MED4: variants seen among roughly 807,000 people sequenced by gnomAD.
The protein encoded by MED4 is mediator complex subunit 4.
A neutral mutation model predicts 35.0 loss-of-function variants in MED4; 21 were observed. That is an observed-to-expected ratio of 0.60 (90% CI 0.43 to 0.86). The LOEUF (loss-of-function observed/expected upper bound fraction) is 0.86. Among genes scored for constraint, MED4 ranks in the 40% least tolerant of loss-of-function variants. The pLI, the probability that MED4 is intolerant of heterozygous loss-of-function variation, is 0.00. For synonymous variants in MED4, 138 were observed against 114.0 expected (o/e 1.21, Z -1.34); for missense variants, 300 against 319.4 (o/e 0.94, Z 0.46).
rs1950883166 is a variant in MED4 at position 48,090,536 on chromosome 13, C to T, written c.126-118G>A. ...ACAGCTCACCAAGACTCGCTTGTGC[C>T]GGTTACCAAACTTATTTATAAAAGT... On this transcript the variant is annotated intron_variant, in intron 1 of 6. Coordinates refer to ENST00000258648, the MANE Select transcript of MED4 (RefSeq NM_014166.4). The T allele has an allele frequency of 7.4e-6, 5 of 676,984 alleles. No individual in the cohort carries two copies. The East Asian group carries it at 8.7e-5, about 12-fold the overall frequency. 41.9% of individuals were successfully genotyped at this position (676,984 alleles called of 1,614,324 possible).
chr13:48,089,395 A>G (rs573232350), intron 2 of MED4, among the ~76,000 whole-genome samples: 2 of 152,272 alleles, frequency 1.3e-5, no homozygotes, highest in African/African-American at 4.8e-5. Flanking sequence ...TCTCCTTTAC[A>G]TCATCTTTAG....
intron 2 of MED4, among the ~76,000 whole-genome samples, chr13:48,089,601 A>T (rs1191630636): frequency 1.3e-5 from 2 of 152,132 alleles, no homozygotes; most frequent in Non-Finnish European, 2.9e-5. Flanking sequence ...ATTTCTTTTA[A>T]ATTAGCAAGG....
chr13:48,079,971 G>A lies in MED4; in HGVS notation c.513C>T (p.Asp171=). The A allele has an allele frequency of 1.9e-6, 3 of 1,612,318 alleles. No homozygotes were observed. The highest frequency in any genetic ancestry group is 1.7e-6 in the Non-Finnish European group (2 of 1,179,116). ...AATCAGTTGGGTAGGGTCTCCGGGGGTCCCCTAAAACAATAAAGACTGCAT... is the reference window on the plus strand; with the variant it reads ...AATCAGTTGGGTAGGGTCTCCGGGGATCCCCTAAAACAATAAAGACTGCAT... The part of the protein sequence containing the change: ...VCAPLTWVPG[D]PRRPYPTDLE... The change falls in exon 6 of 7, where the codon GAC becomes GAT. Residue 171 remains aspartate (D), a synonymous_variant. Coordinates refer to ENST00000258648, the MANE Select transcript of MED4 (RefSeq NM_014166.4).
At chr13:48,085,946 C>CA (rs149104670) in intron 3 of MED4, among the ~76,000 whole-genome samples, 4,930 of 121,278 alleles carry the variant, frequency 0.041, 128 homozygotes, top group Non-Finnish European at 0.048. Flanking sequence ...GATCAGAGAC[C>CA]AAAAAAAAAA....
At chr13:48,089,002 T>C (rs1453220812) in intron 2 of MED4, among the ~76,000 whole-genome samples, 1 of 152,222 alleles carries the variant, frequency 6.6e-6, no homozygotes, top group African/African-American at 2.4e-5. Context: ...TATCACCTTC[T>C]GAATAATCTG....
At chr13:48,077,365 T>C (rs1297594211) in intron 6 of MED4, 54 bp from the exon 7 acceptor site, 14 of 1,314,010 alleles carry the variant, frequency 1.1e-5, no homozygotes, top group African/African-American at 1.5e-5. Context: ...ATTAATCTAG[T>C]TCTTACTTTT....
At position 48,075,910 on chromosome 13, in the gene MED4, A is replaced by G. The variant is rs1181562132; in HGVS notation, c.*1229T>C. Reference sequence around the variant, plus strand: ...GGTGAAAATATAAGATTAATCTCCTATTTTCCAATTTTTCTAGAGATCGAA... The same window carrying G: ...GGTGAAAATATAAGATTAATCTCCTGTTTTCCAATTTTTCTAGAGATCGAA... On this transcript the variant is annotated 3_prime_UTR_variant, in exon 7 of 7. Coordinates refer to ENST00000258648, the MANE Select transcript of MED4 (RefSeq NM_014166.4). The G allele has an allele frequency of 6.6e-6, 1 of 152,168 alleles. No homozygotes were observed. The highest frequency in any genetic ancestry group is 1.5e-5 in the Non-Finnish European group (1 of 68,024). The allele number at this position is 152,168 out of a possible 1,614,324, so 9.4% of individuals were successfully genotyped here.
At chr13:48,080,040 T>G (rs1950793446) in intron 5 of MED4, 65 bp from the exon 6 acceptor site, 1 of 1,547,550 alleles carries the variant, frequency 6.5e-7, no homozygotes, top group South Asian at 1.2e-5. Flanking sequence ...ATATGTTATT[T>G]GACATACTCA....
At chr13:48,094,851 C>A (rs568641761) in intron 1 of MED4, 103 bp downstream of exon 1, 297 of 1,514,740 alleles carry the variant, frequency 2.0e-4, no homozygotes, top group African/African-American at 1.7e-3. Flanking sequence ...CGAGCTGGCC[C>A]TCCCCGCCGA....
intron 4 of MED4, among the ~76,000 whole-genome samples, chr13:48,082,490 G>C (rs1478148849): frequency 2.6e-5 from 4 of 152,192 alleles, no homozygotes; most frequent in Middle Eastern, 3.2e-3. Context: ...CTCTCCTAGA[G>C]ATTTGTTTCT....
intron 4 of MED4, 43 bp downstream of exon 4, chr13:48,083,328 A>G: frequency 6.6e-7 from 1 of 1,510,288 alleles, no homozygotes; most frequent in Non-Finnish European, 9.1e-7. Flanking sequence ...CTGAAACCAG[A>G]ACCTTAACTT....
Position 48,086,326 on chromosome 13 carries a change from T to C in MED4, c.319A>G (p.Ile107Val). ...TTTAGCTGTTTTTGTAGCTGCTGAA[T>C]ATCACTGTCTCTCTTCTCTACTTCT... is the stretch of plus-strand genomic sequence containing the variant. ...EKEVEKRDSD[I>V]QQLQKQLKEA... Residue 107 changes from isoleucine to valine, a missense_variant, in exon 3 of 7, where the codon ATT becomes GTT. Transcript: ENST00000258648. The C allele has an allele frequency of 6.2e-7, 1 of 1,613,950 alleles. No individual in the cohort carries two copies. Among genetic ancestry groups the C allele is most frequent in the Non-Finnish European group, 8.5e-7 (1 of 1,179,932 alleles).
chr13:48,076,734 T>A lies in MED4; in HGVS notation c.*405A>T, dbSNP rs1950761576. Reference sequence around the variant, plus strand: ...CACACAAAAAGAAATATGATGCCTATTCAGTCATCCACTGCCAGTTTAAAA... The same window carrying A: ...CACACAAAAAGAAATATGATGCCTAATCAGTCATCCACTGCCAGTTTAAAA... On this transcript the variant is annotated 3_prime_UTR_variant, in exon 7 of 7. Coordinates refer to ENST00000258648, the MANE Select transcript of MED4 (RefSeq NM_014166.4). 1 of 154,006 alleles carries A rather than the reference T, an allele frequency of 6.5e-6. No individual in the cohort carries two copies. Among genetic ancestry groups the A allele is most frequent in the African/African-American group, 2.4e-5 (1 of 41,540 alleles). The allele number at this position is 154,006 out of a possible 1,614,324, so 9.5% of individuals were successfully genotyped here.
chr13:48,079,967 G>A lies in MED4; in HGVS notation c.517C>T (p.Arg173Trp), dbSNP rs1355953749. Residue 173 changes from arginine (R) to tryptophan (W), a missense_variant, in exon 6 of 7, where the codon CGG becomes TGG. Transcript: ENST00000258648. Reference protein sequence around the residue: ...APLTWVPGDPRRPYPTDLEMR... With the variant: ...APLTWVPGDPWRPYPTDLEMR... ...TCTAAATCAGTTGGGTAGGGTCTCC[G>A]GGGGTCCCCTAAAACAATAAAGACT... The A allele has an allele frequency of 1.2e-6, 2 of 1,612,726 alleles. No homozygotes were observed. The highest frequency in any genetic ancestry group is 1.7e-6 in the Non-Finnish European group (2 of 1,179,222).
At chr13:48,090,095 T>G (rs1472805852) in intron 2 of MED4, among the ~76,000 whole-genome samples, 1 of 152,174 alleles carries the variant, frequency 6.6e-6, no homozygotes, top group Admixed American at 6.5e-5. Flanking sequence ...AACATGTAAG[T>G]GTGACTAGAA....
chr13:48,095,062 C>T lies in MED4; in HGVS notation c.17G>A (p.Ser6Asn). Residue 6 changes from serine (S) to asparagine (N), a missense_variant, in exon 1 of 7, where the codon AGT becomes AAT. By Grantham distance (46) the Ser-to-Asn change is conservative. Coordinates refer to ENST00000258648, the MANE Select transcript of MED4 (RefSeq NM_014166.4). ...CAGCCGCTCCTTCTCCTTCTCACCA[C>T]TCGAAGACGCAGCCATTTTCCCCAG... is the stretch of plus-strand genomic sequence containing the variant. Reference protein sequence around the residue: MAASSSGEKEKERLGG... With the variant: MAASSNGEKEKERLGG... 4 of 1,604,718 alleles carry T rather than the reference C, an allele frequency of 2.5e-6. No individual in the cohort carries two copies. The highest frequency in any genetic ancestry group is 4.5e-5 in the East Asian group (2 of 44,878).
At chr13:48,084,554 C>T (rs1452911001) in intron 3 of MED4, among the ~76,000 whole-genome samples, 2 of 152,008 alleles carry the variant, frequency 1.3e-5, no homozygotes, top group Non-Finnish European at 2.9e-5. Flanking sequence ...ATTTATAACA[C>T]AAAGTGGGAA....
chr13:48,085,654 A>G (rs886840665), intron 3 of MED4, among the ~76,000 whole-genome samples: 1 of 152,218 alleles, frequency 6.6e-6, no homozygotes, highest in Non-Finnish European at 1.5e-5. Context: ...TCTGGTCGAC[A>G]TGAGAATCAA....
chr13:48,085,602 C>A (rs1391296700), intron 3 of MED4, among the ~76,000 whole-genome samples: 1 of 152,186 alleles, frequency 6.6e-6, no homozygotes, highest in Non-Finnish European at 1.5e-5. Flanking sequence ...CATTTTAATA[C>A]ATTTGTTAAG....
Sources: gnomAD v4.1 joint callset for allele counts (sites outside exome capture counted in the v4.1 genomes callset) on GRCh38, gnomAD v4.1.1 for gene constraint, MANE v1.5 for transcripts, NCBI Gene and HGNC (gene_info 2026-07-23, HGNC 2026-07-21) for gene names.